The following FBRSL1 variants were observed in gnomAD, a reference collection of about 807,000 sequenced individuals.
The protein encoded by FBRSL1 is fibrosin-1-like protein.
Under a neutral mutation model 89.6 loss-of-function variants are expected in FBRSL1, and 51 were observed. The ratio of observed to expected loss-of-function variants is 0.57; its 90% CI spans 0.45 to 0.72. FBRSL1 has a LOEUF of 0.72. FBRSL1 is among the 30% of genes least tolerant of loss of function. The pLI, the probability that FBRSL1 is intolerant of heterozygous loss-of-function variation, is 0.00. For synonymous variants in FBRSL1, 779 were observed against 681.1 expected, an observed-to-expected ratio of 1.14 and a Z score of -2.24; for missense variants, 1,618 against 1,451.8, an observed-to-expected ratio of 1.11 and a Z score of -1.86.
intron 5 of FBRSL1, among the ~76,000 whole-genome samples, chr12:132,557,335 C>G (rs1300306827): frequency 6.6e-6 from 1 of 152,200 alleles, no homozygotes; most frequent in Non-Finnish European, 1.5e-5. Context: ...CCTTTCTTCC[C>G]CCGGATAATC....
chr12:132,520,142 A>G (rs1244854090), intron 2 of FBRSL1, among the ~76,000 whole-genome samples: 1 of 85,166 alleles, frequency 1.2e-5, no homozygotes, highest in South Asian at 3.8e-4. Flanking sequence ...GCACCCCTCC[A>G]GCACACCCTC....
In FBRSL1 at chr12:132,567,530, AGTG is replaced by A. The variant is rs2039712662; in HGVS notation, c.691+6_691+8del. On this transcript the variant is annotated splice_donor_5th_base_variant and intron_variant, in intron 6 of 18. Transcript: ENST00000680143. ...TTTGCGCCGGGAACCGATAAAGGTA[AGTG>A]GGTCCCCTCGGCCCAGCTCCTGGGC... is the stretch of plus-strand genomic sequence containing the variant. 6.4e-7 allele frequency: 1 copy of A among 1,550,840 alleles called. No individual in the cohort carries two copies. Among genetic ancestry groups the A allele is most frequent in the African/African-American group, 1.4e-5 (1 of 73,030 alleles).
intron 2 of FBRSL1, among the ~76,000 whole-genome samples, chr12:132,519,360 G>C (rs1191107610): frequency 6.6e-6 from 1 of 152,240 alleles, no homozygotes. Flanking sequence ...AAGAAGCAGG[G>C]CCACAGCCAT....
At position 132,573,863 on chromosome 12, in the gene FBRSL1, C is replaced by T. The variant is rs1247902499; in HGVS notation, c.1531-227C>T. ...TGGCAAGTGGCTCCCCGGGGAGGGT[C>T]GCCCACCTTCCCTGGCAAGAGCACC... On this transcript the variant is annotated intron_variant, in intron 11 of 18. Transcript: ENST00000680143. Among the ~76,000 whole-genome samples, 8 of 152,150 alleles carry T rather than the reference C, an allele frequency of 5.3e-5. No individual in the cohort carries two copies. In the South Asian group the frequency reaches 1.2e-3, roughly 24 times the overall value.
At chr12:132,497,396 G>A (rs1417092960) in intron 1 of FBRSL1, among the ~76,000 whole-genome samples, 1 of 152,046 alleles carries the variant, frequency 6.6e-6, no homozygotes, top group Admixed American at 6.5e-5. Flanking sequence ...GCTGGCCCAA[G>A]GTCCCAGGGC....
At chr12:132,496,759 C>T (rs1038184334) in intron 1 of FBRSL1, among the ~76,000 whole-genome samples, 1 of 152,266 alleles carries the variant, frequency 6.6e-6, no homozygotes. Flanking sequence ...TTGCACGGGA[C>T]GCATCTCTGG....
rs1170517063 is a variant in FBRSL1, at chr12:132,509,821, A to G, written c.489+1471A>G. 3.2e-6 allele frequency: 4 copies of G among 1,231,526 alleles called. No individual in the cohort carries two copies. In the Admixed American group the frequency reaches 1.7e-4, roughly 52 times the overall value. 76.3% of individuals were successfully genotyped at this position (1,231,526 alleles called of 1,614,324 possible). A position where few individuals can be genotyped will look rare whatever the true frequency, so the allele number is the denominator to read the frequency against. On this transcript the variant is annotated intron_variant, in intron 2 of 18. Coordinates refer to ENST00000680143, the MANE Select transcript of FBRSL1 (RefSeq NM_001367871.1). ...CTGTGGTCGCTGCTAGCCCAGTGCC[A>G]GCGGTACCAGCCCCCGCGGCCACTC... is the stretch of plus-strand genomic sequence containing the variant.
chr12:132,534,223 C>T (rs2036532122), intron 4 of FBRSL1, among the ~76,000 whole-genome samples: 1 of 152,196 alleles, frequency 6.6e-6, no homozygotes, highest in Admixed American at 6.5e-5. Context: ...CGTCCGCCTC[C>T]ACTCCAGTCC....
rs889821657 is a variant in FBRSL1, at chr12:132,574,397, CCGGGGCGGCCT to C, written c.1629+55_1629+65del. On this transcript the variant is annotated intron_variant, in intron 13 of 18. Coordinates refer to ENST00000680143, the MANE Select transcript of FBRSL1 (RefSeq NM_001367871.1). ...GTGGCAAGGGAGGACTCTGGTGCCC[CCGGGGCGGCCT>C]CGGGGGGCCCGTGACAGCAGGAGTC... 13 of 1,549,260 alleles carry C rather than the reference CCGGGGCGGCCT, an allele frequency of 8.4e-6. No homozygotes were observed. In the African/African-American group the frequency reaches 1.5e-4, roughly 18 times the overall value.
At chr12:132,525,418 C>T (rs563153440) in intron 2 of FBRSL1, among the ~76,000 whole-genome samples, 1 of 152,204 alleles carries the variant, frequency 6.6e-6, no homozygotes, top group African/African-American at 2.4e-5. Context: ...AAGCACGTGG[C>T]GGTTCTCGTG....
rs2040892764 is a variant in FBRSL1, at chr12:132,583,054, G to C, written c.2285G>C (p.Arg762Pro). 14 of 1,447,726 alleles carry C rather than the reference G, an allele frequency of 9.7e-6. 1 individual carries two copies. In the South Asian group the frequency reaches 1.3e-4, roughly 14 times the overall value. 89.7% of individuals were successfully genotyped at this position (1,447,726 alleles called of 1,614,324 possible). A position where few individuals can be genotyped will look rare whatever the true frequency, so the allele number is the denominator to read the frequency against. ...CACCCCGTCAGCGGCCTCCTGCTCC[G>C]GGCCCAGAGCGAGCTGGGCCGGTCC... ...AGHPVSGLLL[R>P]AQSELGRSGA... The change falls in exon 19 of 19, where the codon CGG becomes CCG. Residue 762 changes from arginine (R) to proline (P), a missense_variant. Physicochemically the swap from Arg to Pro is moderately radical, Grantham distance 103. Transcript: ENST00000680143.
intron 4 of FBRSL1, among the ~76,000 whole-genome samples, chr12:132,529,732 A>ACCACCCTGGGCTTTTCTCTG (rs2036106003): frequency 1.4e-5 from 2 of 142,148 alleles, no homozygotes; most frequent in Non-Finnish European, 3.1e-5. Flanking sequence ...CCTGGGCTCT[A>ACCACCCTGGGCTTTTCTCTG]CCACCCTGGG....
chr12:132,503,064 G>A (rs1345608261), intron 1 of FBRSL1, among the ~76,000 whole-genome samples: 1 of 151,894 alleles, frequency 6.6e-6, no homozygotes, highest in Non-Finnish European at 1.5e-5. Context: ...CCCAAGGGGT[G>A]GAGTGCAGCA....
intron 2 of FBRSL1, chr12:132,510,383 G>A: frequency 1.6e-6 from 2 of 1,231,900 alleles, no homozygotes; most frequent in Non-Finnish European, 2.0e-6. Context: ...TGCGGTCCCG[G>A]TGGACCCGAT....
intron 4 of FBRSL1, among the ~76,000 whole-genome samples, chr12:132,530,395 G>A (rs2036158790): frequency 6.6e-6 from 1 of 152,130 alleles, no homozygotes; most frequent in South Asian, 2.1e-4. Context: ...CGAGTGCTGG[G>A]CAGGACTCCT....
chr12:132,581,202 G>GC (rs1407549059), intron 15 of FBRSL1: 18 of 985,212 alleles, frequency 1.8e-5, no homozygotes, highest in African/African-American at 1.0e-4. Context: ...CTCCCTCCCT[G>GC]CCCCCCTTGG....
At chr12:132,551,041 G>T (rs560816860) in intron 5 of FBRSL1, 3 of 268,708 alleles carry the variant, frequency 1.1e-5, no homozygotes, top group Non-Finnish European at 2.2e-5. Flanking sequence ...GGGAGCAGAG[G>T]CACCCAGATC....
chr12:132,552,791 T>C (rs1191868500), intron 5 of FBRSL1: 2 of 153,556 alleles, frequency 1.3e-5, no homozygotes, highest in South Asian at 1.6e-4. Flanking sequence ...CTGGACAGGC[T>C]GGAGGCCCCT....
chr12:132,558,815 A>G (rs1375032900), intron 5 of FBRSL1, among the ~76,000 whole-genome samples: 1 of 152,200 alleles, frequency 6.6e-6, no homozygotes. Flanking sequence ...AAACGTGGCC[A>G]CAGCTCCCAC....
Sources: gnomAD v4.1 joint callset for allele counts (sites outside exome capture counted in the v4.1 genomes callset) on GRCh38, gnomAD v4.1.1 for gene constraint, MANE v1.5 for transcripts, NCBI Gene and HGNC (gene_info 2026-07-23, HGNC 2026-07-21) for gene names.